The following PTPRM variants were observed in gnomAD, a reference collection of about 807,000 sequenced individuals.
PTPRM encodes receptor-type tyrosine-protein phosphatase mu.
A neutral mutation model predicts 186.7 loss-of-function variants in PTPRM; 47 were observed. The ratio of observed to expected loss-of-function variants is 0.25; its 90% CI spans 0.20 to 0.32. The LOEUF is 0.32. PTPRM is among the 10% of genes least tolerant of loss of function. PTPRM has a pLI of 1.00. For missense variants in PTPRM, 1,494 were observed against 1,865.0 expected, an observed-to-expected ratio of 0.80 and a Z score of 3.66; for synonymous variants, 668 against 674.9, an observed-to-expected ratio of 0.99 and a Z score of 0.16.
chr18:7,717,010 C>T (rs1216156857), intron 1 of PTPRM, among the ~76,000 whole-genome samples: 2 of 152,210 alleles, frequency 1.3e-5, no homozygotes, highest in African/African-American at 4.8e-5. Flanking sequence ...TATAAAGACA[C>T]ATGCACACAT....
At chr18:8,379,054 A>C in intron 27 of PTPRM, 113 bp from the exon 28 acceptor site, 1 of 807,292 alleles carries the variant, frequency 1.2e-6, no homozygotes, top group Non-Finnish European at 1.8e-6. Context: ...AGGGAGGGGG[A>C]AGGGACCGTC....
intron 7 of PTPRM, among the ~76,000 whole-genome samples, chr18:8,064,242 C>T (rs1029611027): frequency 1.3e-5 from 2 of 152,076 alleles, no homozygotes; most frequent in Non-Finnish European, 2.9e-5. Context: ...ACAATTTAAG[C>T]GGAGTTCAAA....
rs558783317 is a variant in PTPRM at position 8,024,946 on chromosome 18, G to T, written c.1133-44740G>T. ...CCATCCTCCTGCTTTGGCCTCAAGT[G>T]ATCCTCCTGCCTTGGCCTCCCAAAG... is the stretch of plus-strand genomic sequence containing the variant. On this transcript the variant is annotated intron_variant, in intron 7 of 32. Coordinates refer to ENST00000580170, the MANE Select transcript of PTPRM (RefSeq NM_001105244.2). Among the ~76,000 whole-genome samples the T allele has an allele frequency of 4.6e-5, 7 of 152,182 alleles. No individual in the cohort carries two copies. In the South Asian group the frequency reaches 1.5e-3, roughly 32 times the overall value.
intron 1 of PTPRM, among the ~76,000 whole-genome samples, chr18:7,700,704 A>C (rs2039941210): frequency 6.6e-6 from 1 of 152,160 alleles, no homozygotes; most frequent in African/African-American, 2.4e-5. Flanking sequence ...CATGGTAAAA[A>C]TTTAGGTCGG....
At chr18:8,125,994 TATATATATATATATATATATATA>T (rs1483434789) in intron 13 of PTPRM, among the ~76,000 whole-genome samples, 128 of 11,652 alleles carry the variant, frequency 0.011, 8 homozygotes, top group African/African-American at 0.018. Context: ...TATATATATA[TATATATATATATATATATATATA>T]TATATATATA....
chr18:8,139,416 G>C (rs558683), intron 13 of PTPRM, among the ~76,000 whole-genome samples: 1 of 152,218 alleles, frequency 6.6e-6, no homozygotes, highest in African/African-American at 2.4e-5. Context: ...TAATAGCCTC[G>C]TAACTGAGGT....
At chr18:8,252,407 A>G in intron 17 of PTPRM, 81 bp from the exon 18 acceptor site, 1 of 1,129,030 alleles carries the variant, frequency 8.9e-7, no homozygotes, top group Non-Finnish European at 1.4e-6. Flanking sequence ...AACTACCTGT[A>G]ATTATGCACG....
chr18:7,992,166 G>A (rs1175598403), intron 7 of PTPRM, among the ~76,000 whole-genome samples: 1 of 152,132 alleles, frequency 6.6e-6, no homozygotes, highest in African/African-American at 2.4e-5. Context: ...TTCCACCAGA[G>A]CACCTGCACT....
intron 20 of PTPRM, among the ~76,000 whole-genome samples, chr18:8,314,107 T>C (rs2095290177): frequency 6.6e-6 from 1 of 152,222 alleles, no homozygotes; most frequent in Non-Finnish European, 1.5e-5. Flanking sequence ...AACTAATTAA[T>C]ACCATAAATA....
chr18:7,791,881 A>G lies in PTPRM; in HGVS notation c.196+17610A>G, dbSNP rs575743017. On this transcript the variant is annotated intron_variant, in intron 2 of 32. Coordinates refer to ENST00000580170, the MANE Select transcript of PTPRM (RefSeq NM_001105244.2). ...GTTTTGATATAAAAGTCAAGAATTA[A>G]TCCATAACAACTAGATCTTACACAA... is the stretch of plus-strand genomic sequence containing the variant. 3.3e-5 allele frequency among the ~76,000 whole-genome samples: 5 copies of G among 152,330 alleles called. No individual in the cohort carries two copies. The East Asian group carries it at 5.8e-4, about 18-fold the overall frequency.
chr18:7,706,611 A>AC (rs1477869199), intron 1 of PTPRM, among the ~76,000 whole-genome samples: 22 of 148,050 alleles, frequency 1.5e-4, no homozygotes, highest in African/African-American at 5.2e-4. Context: ...CAAAAAAAAA[A>AC]AAAAAAAAAA....
At chr18:7,614,165 T>C (rs566788175) in intron 1 of PTPRM, among the ~76,000 whole-genome samples, 2 of 152,330 alleles carry the variant, frequency 1.3e-5, no homozygotes, top group East Asian at 3.9e-4. Flanking sequence ...CTACTAGTTA[T>C]ACAAATGATT....
intron 5 of PTPRM, among the ~76,000 whole-genome samples, chr18:7,939,854 G>T (rs752627119): frequency 6.6e-6 from 1 of 152,230 alleles, no homozygotes; most frequent in Non-Finnish European, 1.5e-5. Flanking sequence ...TAGAGTGCCA[G>T]TGCTTGACGG....
At chr18:7,634,758 A>G (rs948502453) in intron 1 of PTPRM, among the ~76,000 whole-genome samples, 1 of 152,194 alleles carries the variant, frequency 6.6e-6, no homozygotes, top group Non-Finnish European at 1.5e-5. Flanking sequence ...CCTTTTACAC[A>G]GTGTTTAGCC....
At chr18:7,898,352 G>A (rs1214377467) in intron 3 of PTPRM, among the ~76,000 whole-genome samples, 1 of 152,182 alleles carries the variant, frequency 6.6e-6, no homozygotes. Context: ...GAGTATCTGT[G>A]TTGGTAAGCA....
intron 7 of PTPRM, among the ~76,000 whole-genome samples, chr18:7,988,847 A>G (rs1291311107): frequency 6.6e-6 from 1 of 152,034 alleles, no homozygotes; most frequent in Non-Finnish European, 1.5e-5. Flanking sequence ...CCTTTTGATT[A>G]TTTTGAATAA....
At chr18:7,894,605 A>AT (rs2049257064) in intron 3 of PTPRM, among the ~76,000 whole-genome samples, 1 of 150,924 alleles carries the variant, frequency 6.6e-6, no homozygotes, top group East Asian at 1.9e-4. Flanking sequence ...ATATATATAT[A>AT]TATATTTTTT....
chr18:8,326,420 A>G (rs1403404262), intron 22 of PTPRM, among the ~76,000 whole-genome samples: 1 of 152,244 alleles, frequency 6.6e-6, no homozygotes, highest in Non-Finnish European at 1.5e-5. Flanking sequence ...TCTTCACAGA[A>G]TTAGAAAAAA....
intron 8 of PTPRM, 42 bp from the exon 9 acceptor site, chr18:8,076,413 T>C (rs1192383756): frequency 1.7e-6 from 2 of 1,205,928 alleles, no homozygotes; most frequent in East Asian, 2.4e-5. Flanking sequence ...ACTTTTTAAT[T>C]GTTTATTACT....
Sources: allele counts gnomAD v4.1 joint callset (sites outside exome capture counted in the v4.1 genomes callset), GRCh38; gene constraint gnomAD v4.1.1; transcripts MANE v1.5; gene names NCBI Gene and HGNC (gene_info 2026-07-23, HGNC 2026-07-21).